CACNA1C: variants seen among roughly 807,000 people sequenced by gnomAD.
CACNA1C encodes voltage-dependent L-type calcium channel subunit alpha-1C.
Under a neutral mutation model 229.0 loss-of-function variants are expected in CACNA1C, and 30 were observed. The ratio of observed to expected loss-of-function variants is 0.13; its 90% confidence interval spans 0.10 to 0.18. The LOEUF is 0.18. Among genes scored for constraint, CACNA1C ranks in the 10% least tolerant of loss-of-function variants. The probability of loss-of-function intolerance (pLI) is 1.00; values close to 1 mark genes in which losing one functional copy is unlikely to be tolerated. For synonymous variants in CACNA1C, 1,114 were observed against 1,132.5 expected, an observed-to-expected ratio of 0.98 and a Z score of 0.33; for missense variants, 1,658 against 2,845.0, an observed-to-expected ratio of 0.58 and a Z score of 9.49.
intron 37 of CACNA1C, among the ~76,000 whole-genome samples, chr12:2,667,051 TC>T (rs1433533914): frequency 3.9e-5 from 6 of 152,136 alleles, no homozygotes; most frequent in African/African-American, 9.7e-5. Context: ...GTGGGAGACT[TC>T]CCAGCCTAGG....
intron 3 of CACNA1C, among the ~76,000 whole-genome samples, chr12:2,193,017 C>G (rs16929153): frequency 0.012 from 1,847 of 152,344 alleles, 38 homozygotes; most frequent in African/African-American, 0.041. Context: ...AGATGTCATT[C>G]CATGTAGGTT....
At chr12:2,000,803 G>A (rs1360833732) in intron 1 of CACNA1C, among the ~76,000 whole-genome samples, 5 of 152,288 alleles carry the variant, frequency 3.3e-5, no homozygotes, top group South Asian at 2.1e-4. Context: ...TTGGGAGGCC[G>A]AGGCGGGTGG....
chr12:2,026,729 A>G (rs1356755283), intron 1 of CACNA1C, among the ~76,000 whole-genome samples: 2 of 152,256 alleles, frequency 1.3e-5, no homozygotes, highest in African/African-American at 4.8e-5. Flanking sequence ...GACTGAAACC[A>G]TGTGAATATT....
chr12:2,337,010 A>T (rs559664289), intron 3 of CACNA1C, among the ~76,000 whole-genome samples: 156 of 152,306 alleles, frequency 1.0e-3, no homozygotes, highest in Non-Finnish European at 1.7e-3. Flanking sequence ...TCCATTCACC[A>T]TCCATCCATC....
At chr12:2,186,230 CTG>C (rs1183231864) in intron 3 of CACNA1C, among the ~76,000 whole-genome samples, 1 of 152,206 alleles carries the variant, frequency 6.6e-6, no homozygotes, top group Non-Finnish European at 1.5e-5. Context: ...AGAGCCTTCC[CTG>C]GTTCCCTCCC....
At position 2,696,806 on chromosome 12, in the gene CACNA1C, C is replaced by T. The variant is rs1483695092; in HGVS notation, c.*5607C>T. The T allele has an allele frequency of 6.6e-6, 1 of 152,132 alleles. No individual in the cohort carries two copies. The highest frequency in any genetic ancestry group is 2.4e-5 in the African/African-American group (1 of 41,434). The allele number at this position is 152,132 out of a possible 1,614,324, so 9.4% of individuals were successfully genotyped here. ...AAAGGTGAGCAGGCACCAGGCCAAGCAGTGGCTCCCTTGCCAAGGAACCTG... is the reference window on the plus strand; with the variant it reads ...AAAGGTGAGCAGGCACCAGGCCAAGTAGTGGCTCCCTTGCCAAGGAACCTG... On this transcript the variant is annotated 3_prime_UTR_variant, in exon 47 of 47. Coordinates refer to ENST00000399655, the MANE Select transcript of CACNA1C (RefSeq NM_000719.7).
At chr12:2,010,595 A>G (rs1361327382) in intron 1 of CACNA1C, among the ~76,000 whole-genome samples, 3 of 152,192 alleles carry the variant, frequency 2.0e-5, no homozygotes, top group African/African-American at 7.2e-5. Context: ...TGCCAGTCCC[A>G]TGAAATCTAT....
intron 9 of CACNA1C, among the ~76,000 whole-genome samples, chr12:2,545,703 A>G (rs2099879754): frequency 6.6e-6 from 1 of 152,264 alleles, no homozygotes; most frequent in African/African-American, 2.4e-5. Flanking sequence ...ATGTATTTCA[A>G]TACCAAATGG....
At chr12:2,522,722 G>A (rs1026905293) in intron 9 of CACNA1C, among the ~76,000 whole-genome samples, 3 of 152,104 alleles carry the variant, frequency 2.0e-5, no homozygotes, top group Non-Finnish European at 4.4e-5. Context: ...GGCTCTCCTG[G>A]GCTGGGGGGC....
intron 2 of CACNA1C, among the ~76,000 whole-genome samples, chr12:2,117,132 G>A (rs1337939465): frequency 6.6e-6 from 1 of 152,144 alleles, no homozygotes; most frequent in Non-Finnish European, 1.5e-5. Flanking sequence ...TTAGCCAGGC[G>A]TTGGGGCACA....
In CACNA1C at chr12:2,664,850, G is replaced by A. The variant is rs2095987614; in HGVS notation, c.4258G>A (p.Asp1420Asn). Residue 1420 changes from aspartate (D) to asparagine (N), a missense_variant, in exon 35 of 47, where the codon GAC becomes AAC. Asp to Asn is a conservative substitution (Grantham distance 23). Coordinates refer to ENST00000399655, the MANE Select transcript of CACNA1C (RefSeq NM_000719.7). ...FRCATGEAWQ[D>N]IMLACMPGKK... ...GTGTGCCACCGGGGAGGCCTGGCAG[G>A]ACATCATGCTGGCCTGCATGCCAGG... 1.2e-6 allele frequency: 2 copies of A among 1,605,500 alleles called. No homozygotes were observed. The highest frequency in any genetic ancestry group is 1.7e-6 in the Non-Finnish European group (2 of 1,174,804).
intron 5 of CACNA1C, among the ~76,000 whole-genome samples, chr12:2,482,866 A>G (rs1021964420): frequency 1.3e-5 from 2 of 152,152 alleles, no homozygotes; most frequent in Non-Finnish European, 2.9e-5. Flanking sequence ...CTCTTCCTCA[A>G]ATAGCAGTTG....
At chr12:2,443,155 C>A (rs568690875) in intron 3 of CACNA1C, among the ~76,000 whole-genome samples, 2 of 152,310 alleles carry the variant, frequency 1.3e-5, no homozygotes, top group East Asian at 3.9e-4. Context: ...GAAGGCAAAT[C>A]CCTTCCACCT....
intron 1 of CACNA1C, chr12:1,993,256 A>G (rs1396581893): frequency 1.9e-6 from 3 of 1,614,042 alleles, no homozygotes; most frequent in African/African-American, 2.7e-5. Context: ...GTAGTAAGAA[A>G]GACTCACATC....
rs192363779 is a variant in CACNA1C at position 2,108,083 on chromosome 12, G to A, written c.50-7141G>A. The stretch of plus-strand genomic sequence containing the variant: ...AGCAAGGGCTCCGTAATCCAGCCTA[G>A]GATTATAGAGCATTTCTATTACTGT... On this transcript the variant is annotated intron_variant, in intron 1 of 46. Coordinates refer to ENST00000399655, the MANE Select transcript of CACNA1C (RefSeq NM_000719.7). The surrounding 1 kb of genome is among the most constrained non-coding windows in gnomAD (Gnocchi z 5.3). 1.1e-4 allele frequency among the ~76,000 whole-genome samples: 16 copies of A among 152,306 alleles called. No homozygotes were observed. The highest frequency in any genetic ancestry group is 9.2e-4 in the Admixed American group (14 of 15,300).
chr12:2,267,993 T>TG (rs1166892543), intron 3 of CACNA1C, among the ~76,000 whole-genome samples: 3 of 152,226 alleles, frequency 2.0e-5, no homozygotes, highest in African/African-American at 7.2e-5. Flanking sequence ...TTTTTGTGTG[T>TG]TTTTCCCCCT....
rs924722714 is a variant in CACNA1C at position 2,108,461 on chromosome 12, G to T, written c.50-6763G>T. ...GTGTGGCCCTGCCAGCCAGATACCT[G>T]CAAAATAGATGCTTCCCCACCTGAC... On this transcript the variant is annotated intron_variant, in intron 1 of 46. Coordinates refer to ENST00000399655, the MANE Select transcript of CACNA1C (RefSeq NM_000719.7). This position sits in a 1 kb window ranked among gnomAD's most constrained non-coding sequence, Gnocchi z 5.3. Among the ~76,000 whole-genome samples, 6 of 152,210 alleles carry T rather than the reference G, an allele frequency of 3.9e-5. No homozygotes were observed. The highest frequency in any genetic ancestry group is 1.4e-4 in the African/African-American group (6 of 41,440).
At chr12:2,626,513 C>T (rs1299533727) in intron 29 of CACNA1C, among the ~76,000 whole-genome samples, 1 of 152,180 alleles carries the variant, frequency 6.6e-6, no homozygotes, top group African/African-American at 2.4e-5. Context: ...TCCTGCCTTC[C>T]CTTCTTCAGA....
intron 5 of CACNA1C, 119 bp downstream of exon 5, chr12:2,457,825 T>C: frequency 1.0e-6 from 1 of 958,118 alleles, no homozygotes; most frequent in Non-Finnish European, 1.4e-6. Flanking sequence ...GAGGGGTTTT[T>C]GTTTTTGTTT....
Sources: gnomAD v4.1 joint callset for allele counts (sites outside exome capture counted in the v4.1 genomes callset) on GRCh38, gnomAD v4.1.1 for gene constraint, Gnocchi (gnomAD v3.1) non-coding constraint, MANE v1.5 for transcripts, NCBI Gene and HGNC (gene_info 2026-07-23, HGNC 2026-07-21) for gene names.